The following CTNNA2 variants were observed in gnomAD, a reference collection of about 807,000 sequenced individuals.
The protein encoded by CTNNA2 is catenin alpha-2.
Under a neutral mutation model 101.0 loss-of-function variants are expected in CTNNA2, and 42 were observed. The ratio of observed to expected loss-of-function variants is 0.42; its 90% CI spans 0.32 to 0.54. The LOEUF (loss-of-function observed/expected upper bound fraction) is 0.54, where lower values mean the gene tolerates loss of function less well. Among genes scored for constraint, CTNNA2 ranks in the 20% least tolerant of loss-of-function variants. The pLI is 0.14. For synonymous variants in CTNNA2, 450 were observed against 456.4 expected, an observed-to-expected ratio of 0.99 and a Z score of 0.18; for missense variants, 871 against 1,223.1, an observed-to-expected ratio of 0.71 and a Z score of 4.29.
intron 8 of CTNNA2, among the ~76,000 whole-genome samples, chr2:80,410,539 TG>T (rs1347423380): frequency 6.6e-6 from 1 of 152,240 alleles, no homozygotes; most frequent in East Asian, 1.9e-4. Flanking sequence ...CGAATGATTT[TG>T]TCAAGTCATT....
At chr2:79,660,768 T>A in intron 2 of CTNNA2, among the ~76,000 whole-genome samples, 1 of 152,142 alleles carries the variant, frequency 6.6e-6, no homozygotes, top group East Asian at 1.9e-4. Flanking sequence ...CTCTTTCTGT[T>A]ATATGGCCAG....
At chr2:79,984,239 C>CT (rs1691599572) in intron 7 of CTNNA2, among the ~76,000 whole-genome samples, 1 of 152,180 alleles carries the variant, frequency 6.6e-6, no homozygotes, top group Admixed American at 6.5e-5. Context: ...ACCAGGGCCT[C>CT]TGTTTGGAAA....
At chr2:80,612,962 T>TCC (rs1228693058) in intron 17 of CTNNA2, 1 of 151,474 alleles carries the variant, frequency 6.6e-6, no homozygotes, top group Non-Finnish European at 1.5e-5. Context: ...TAAAGGACCT[T>TCC]CCCTTATGTA....
In CTNNA2 at chr2:79,964,493, G is replaced by A. The variant is rs1007321215; in HGVS notation, c.1056+54696G>A. On this transcript the variant is annotated intron_variant, in intron 7 of 18. Transcript: ENST00000402739. ...ACTCATGAGAAAAAGAAGTCTTTAT[G>A]AAATTTTTCTTTGAAAAATGTCATT... Among the ~76,000 whole-genome samples the A allele has an allele frequency of 4.0e-5, 6 of 151,612 alleles. No individual in the cohort carries two copies. In the East Asian group the frequency reaches 1.2e-3, roughly 29 times the overall value.
At chr2:79,837,756 T>A (rs971638270) in intron 3 of CTNNA2, among the ~76,000 whole-genome samples, 2 of 152,234 alleles carry the variant, frequency 1.3e-5, no homozygotes, top group East Asian at 1.9e-4. Flanking sequence ...GTGTTTTTTT[T>A]TAAAAAAAAT....
intron 7 of CTNNA2, among the ~76,000 whole-genome samples, chr2:79,912,913 AT>A (rs1046129279): frequency 2.6e-5 from 4 of 152,196 alleles, no homozygotes; most frequent in Non-Finnish European, 5.9e-5. Context: ...TAAACATAAC[AT>A]TTTATGGGTT....
At position 79,563,276 on chromosome 2, in the gene CTNNA2, A is replaced by G. The variant is rs887478815; in HGVS notation, c.-6+50069A>G. On this transcript the variant is annotated intron_variant, in intron 1 of 18. Transcript: ENST00000402739. ...TATACTTACATAAAAAAGTATTTATATAATTTATGATGGGATTCAGGGTTT... is the reference window on the plus strand; with the variant it reads ...TATACTTACATAAAAAAGTATTTATGTAATTTATGATGGGATTCAGGGTTT... Among the ~76,000 whole-genome samples the G allele has an allele frequency of 7.9e-5, 12 of 151,938 alleles. No homozygotes were observed. The South Asian group carries it at 1.2e-3, about 16-fold the overall frequency.
chr2:80,001,521 T>C (rs1400507796), intron 7 of CTNNA2, among the ~76,000 whole-genome samples: 1 of 152,226 alleles, frequency 6.6e-6, no homozygotes, highest in Non-Finnish European at 1.5e-5. Flanking sequence ...TCACAATTTA[T>C]AGGAGAAATG....
chr2:80,620,275 T>C (rs1216645442), intron 18 of CTNNA2, among the ~76,000 whole-genome samples: 2 of 151,408 alleles, frequency 1.3e-5, no homozygotes, highest in Non-Finnish European at 2.9e-5. Context: ...TAAATATACA[T>C]CCCTGGTTGG....
chr2:79,426,331 T>A (rs1198397076), intron 4 of CTNNA2, among the ~76,000 whole-genome samples: 2 of 152,226 alleles, frequency 1.3e-5, no homozygotes, highest in East Asian at 3.9e-4. Context: ...TTTACCTAAT[T>A]CTAAAGGCAG....
At position 80,603,769 on chromosome 2, in the gene CTNNA2, A is replaced by G. The variant is rs1227933895; in HGVS notation, c.2190-305A>G. ...TAGTCTGTACAACAGCTTTTGGTAC[A>G]CGGTAAGCAACTATAAAATTTTCAT... On this transcript the variant is annotated intron_variant, in intron 15 of 18. Transcript: ENST00000402739. 1.4e-5 allele frequency: 4 copies of G among 286,758 alleles called. No individual in the cohort carries two copies. The South Asian group carries it at 1.5e-4, about 11-fold the overall frequency. The allele number at this position is 286,758 out of a possible 1,614,324, so 17.8% of individuals were successfully genotyped here.
intron 1 of CTNNA2, among the ~76,000 whole-genome samples, chr2:79,613,076 G>A (rs1445838796): frequency 6.6e-6 from 1 of 151,638 alleles, no homozygotes; most frequent in Non-Finnish European, 1.5e-5. Flanking sequence ...CTTTCAGTAA[G>A]CAATTTTGGT....
chr2:80,128,771 G>A (rs1185613068), intron 7 of CTNNA2, among the ~76,000 whole-genome samples: 3 of 152,082 alleles, frequency 2.0e-5, no homozygotes, highest in Non-Finnish European at 2.9e-5. Context: ...CCCCGGAAAC[G>A]ATTCCAAAAT....
At chr2:79,868,961 T>G (rs1328396338) in intron 4 of CTNNA2, among the ~76,000 whole-genome samples, 1 of 152,338 alleles carries the variant, frequency 6.6e-6, no homozygotes, top group East Asian at 1.9e-4. Context: ...TAATTTTAGT[T>G]TAATGGTGTC....
intron 2 of CTNNA2, among the ~76,000 whole-genome samples, chr2:79,692,913 A>C (rs946359155): frequency 6.6e-6 from 1 of 151,796 alleles, no homozygotes; most frequent in African/African-American, 2.4e-5. Context: ...TAGCAGAAAT[A>C]CCTAATGTAG....
intron 3 of CTNNA2, among the ~76,000 whole-genome samples, chr2:79,320,444 A>AGT (rs3038819): frequency 0.26 from 38,937 of 151,592 alleles, 5,224 homozygotes; most frequent in Middle Eastern, 0.38. Context: ...CTTCTAACCA[A>AGT]CCTAGGCACA....
intron 18 of CTNNA2, among the ~76,000 whole-genome samples, chr2:80,628,182 TC>T (rs1237782589): frequency 6.6e-6 from 1 of 151,970 alleles, no homozygotes; most frequent in African/African-American, 2.4e-5. Context: ...AAAATGGCCA[TC>T]ATGCCCAAGG....
In CTNNA2 at chr2:79,934,655, T is replaced by C. The variant is rs1574350487; in HGVS notation, c.1056+24858T>C. On this transcript the variant is annotated intron_variant, in intron 7 of 18. Coordinates refer to ENST00000402739, the MANE Select transcript of CTNNA2 (RefSeq NM_001282597.3). ...AAGGGACTGGTTGCCTCTTCTGTGATGAAAGCTGTGTCCTTGCTCTGCAGC... is the reference window on the plus strand; with the variant it reads ...AAGGGACTGGTTGCCTCTTCTGTGACGAAAGCTGTGTCCTTGCTCTGCAGC... Among the ~76,000 whole-genome samples the C allele has an allele frequency of 2.0e-5, 3 of 152,216 alleles. No individual in the cohort carries two copies. In the East Asian group the frequency reaches 5.8e-4, roughly 29 times the overall value.
intron 7 of CTNNA2, among the ~76,000 whole-genome samples, chr2:80,178,463 G>A (rs1240186637): frequency 7.9e-5 from 12 of 152,188 alleles, no homozygotes; most frequent in Admixed American, 7.9e-4. Flanking sequence ...AGAGGCCTCT[G>A]CTGTGATTCA....
Sources: allele counts gnomAD v4.1 joint callset (sites outside exome capture counted in the v4.1 genomes callset), GRCh38; gene constraint gnomAD v4.1.1; transcripts MANE v1.5; gene names NCBI Gene and HGNC (gene_info 2026-07-23, HGNC 2026-07-21).